HECW2: variants seen among roughly 807,000 people sequenced by gnomAD.
HECW2 encodes the protein E3 ubiquitin-protein ligase HECW2.
Under a neutral mutation model 175.2 loss-of-function variants are expected in HECW2, and 61 were observed. That is an observed-to-expected ratio of 0.35 (90% confidence interval 0.28 to 0.43). The LOEUF (loss-of-function observed/expected upper bound fraction) is 0.43, where lower values mean the gene tolerates loss of function less well. Ranked by LOEUF, HECW2 falls within the 20% of genes least tolerant of loss-of-function variation. The pLI, the probability that HECW2 is intolerant of heterozygous loss-of-function variation, is 1.00. For missense variants in HECW2, 1,524 were observed against 2,000.5 expected, an observed-to-expected ratio of 0.76 and a Z score of 4.54; for synonymous variants, 671 against 731.0, an observed-to-expected ratio of 0.92 and a Z score of 1.32.
At chr2:196,462,881 T>C (rs1696802149) in intron 1 of HECW2, among the ~76,000 whole-genome samples, 1 of 152,126 alleles carries the variant, frequency 6.6e-6, no homozygotes, top group Non-Finnish European at 1.5e-5. Flanking sequence ...AAATGCCTGA[T>C]GAAAGAAACA....
At chr2:196,586,209 A>G (rs560122910) in intron 1 of HECW2, among the ~76,000 whole-genome samples, 2 of 152,276 alleles carry the variant, frequency 1.3e-5, no homozygotes, top group East Asian at 1.9e-4. Context: ...CCAACTCCCT[A>G]ATAAAAAATT....
intron 21 of HECW2, chr2:196,239,983 G>C (rs1688389303): frequency 6.6e-6 from 1 of 152,290 alleles, no homozygotes; most frequent in Admixed American, 6.5e-5. Context: ...AGGCCCAAGA[G>C]TTACTTCTGT....
chr2:196,292,854 G>A, intron 13 of HECW2, 104 bp from the exon 14 acceptor site: 1 of 846,474 alleles, frequency 1.2e-6, no homozygotes, highest in South Asian at 1.8e-5. Context: ...GTAATGAAAT[G>A]CATATATAAG....
At chr2:196,334,193 T>C (rs776198516) in intron 4 of HECW2, among the ~76,000 whole-genome samples, 8 of 151,908 alleles carry the variant, frequency 5.3e-5, no homozygotes, top group Non-Finnish European at 1.2e-4. Flanking sequence ...CCCCGGAGAG[T>C]CGACTCTACA....
intron 2 of HECW2, among the ~76,000 whole-genome samples, chr2:196,411,918 G>C (rs1012082259): frequency 1.3e-5 from 2 of 152,210 alleles, no homozygotes; most frequent in African/African-American, 4.8e-5. Context: ...GCTGAAGCAG[G>C]AGAATCAGTT....
chr2:196,492,604 A>G (rs1483914832), intron 1 of HECW2, among the ~76,000 whole-genome samples: 2 of 152,226 alleles, frequency 1.3e-5, no homozygotes, highest in Non-Finnish European at 2.9e-5. Flanking sequence ...CGGGAGTGGA[A>G]TCCTTATGAA....
At chr2:196,536,684 A>C (rs1196707674) in intron 1 of HECW2, among the ~76,000 whole-genome samples, 1 of 152,240 alleles carries the variant, frequency 6.6e-6, no homozygotes, top group African/African-American at 2.4e-5. Context: ...TCACACAGCA[A>C]ATAATCTTCA....
Position 196,464,032 on chromosome 2 carries a change from C to CTT in HECW2, c.-35-30576_-35-30575dup, listed in dbSNP as rs566232395. 6.9e-5 allele frequency among the ~76,000 whole-genome samples: 10 copies of CTT among 144,296 alleles called. No individual in the cohort carries two copies. The South Asian group carries it at 8.9e-4, about 13-fold the overall frequency. 94.7% of individuals were successfully genotyped at this position (144,296 alleles called of 152,430 possible). ...CCATCTTTCCATCTTCCAGCTTTTC[C>CTT]TTTTTTTTTTTTTCTGGAAATGGTT... is the stretch of plus-strand genomic sequence containing the variant. On this transcript the variant is annotated intron_variant, in intron 1 of 28. Transcript: ENST00000644978.
intron 1 of HECW2, among the ~76,000 whole-genome samples, chr2:196,526,368 T>G (rs1162946221): frequency 7.6e-5 from 11 of 144,010 alleles, no homozygotes; most frequent in African/African-American, 2.9e-4. Flanking sequence ...TTATTCTAAT[T>G]ATACATTCTT....
At chr2:196,209,761 CTTTCTT>C (rs1413273928) in intron 28 of HECW2, among the ~76,000 whole-genome samples, 2 of 139,028 alleles carry the variant, frequency 1.4e-5, no homozygotes, top group Admixed American at 7.5e-5. Context: ...TTCTTTCTTT[CTTTCTT>C]TTTTTTTTTT....
At chr2:196,428,126 G>A (rs192895879) in intron 2 of HECW2, among the ~76,000 whole-genome samples, 1 of 152,250 alleles carries the variant, frequency 6.6e-6, no homozygotes, top group Admixed American at 6.5e-5. Flanking sequence ...AAAATGCAGA[G>A]TGTGCCAACA....
chr2:196,529,156 G>A (rs1241622897), intron 1 of HECW2, among the ~76,000 whole-genome samples: 2 of 152,184 alleles, frequency 1.3e-5, no homozygotes, highest in African/African-American at 4.8e-5. Flanking sequence ...GTATTCCAGA[G>A]CAAAACCATC....
intron 2 of HECW2, among the ~76,000 whole-genome samples, chr2:196,422,004 G>A (rs1695419704): frequency 6.6e-6 from 1 of 152,146 alleles, no homozygotes. Context: ...GATAGTCTGA[G>A]ATACCAAGGT....
rs1431009886 is a variant in HECW2 at position 196,498,016 on chromosome 2, T to A, written c.-35-64558A>T. Among the ~76,000 whole-genome samples, 5 of 152,230 alleles carry A rather than the reference T, an allele frequency of 3.3e-5. No individual in the cohort carries two copies. The East Asian group carries it at 9.6e-4, about 29-fold the overall frequency. On this transcript the variant is annotated intron_variant, in intron 1 of 28. Transcript: ENST00000644978. ...GATCTTCACTCTAAAGCCCCCTATG[T>A]ATACTCATTAAATAAATCCTTATGC...
chr2:196,534,527 G>A (rs1349164707), intron 1 of HECW2, among the ~76,000 whole-genome samples: 1 of 152,172 alleles, frequency 6.6e-6, no homozygotes, highest in East Asian at 1.9e-4. Flanking sequence ...ATGAGAACGG[G>A]GTTGAAATGA....
chr2:196,206,423 AT>A lies in HECW2; in HGVS notation c.4608-5036del, dbSNP rs574909419. On this transcript the variant is annotated intron_variant, in intron 28 of 28. Coordinates refer to ENST00000644978, the MANE Select transcript of HECW2 (RefSeq NM_001348768.2). ...GCTTACCCTCCCTTTTTCCCTACAG[AT>A]AGACAAGTCAATTAGATAAATCCAG... Among the ~76,000 whole-genome samples, 18 of 152,354 alleles carry A rather than the reference AT, an allele frequency of 1.2e-4. 1 individual carries two copies. In the South Asian group the frequency reaches 3.5e-3, roughly 30 times the overall value.
chr2:196,423,684 T>TTGTGTGTGAGTGTG (rs1553516065), intron 2 of HECW2, among the ~76,000 whole-genome samples: 1 of 139,946 alleles, frequency 7.1e-6, no homozygotes, highest in Non-Finnish European at 1.5e-5. Flanking sequence ...TAGTATTCCA[T>TTGTGTGTGAGTGTG]TGTGTGTGTG....
chr2:196,431,731 T>C (rs571517232), intron 2 of HECW2, among the ~76,000 whole-genome samples: 1 of 152,344 alleles, frequency 6.6e-6, no homozygotes, highest in East Asian at 1.9e-4. Flanking sequence ...TTTGATTATA[T>C]TTTAAAACAC....
intron 2 of HECW2, among the ~76,000 whole-genome samples, chr2:196,397,940 A>T (rs551411871): frequency 1.3e-5 from 2 of 152,338 alleles, no homozygotes; most frequent in Admixed American, 6.5e-5. Context: ...GCACTGAGCC[A>T]AAGTATTTCC....
Sources: allele counts gnomAD v4.1 joint callset (sites outside exome capture counted in the v4.1 genomes callset), GRCh38; gene constraint gnomAD v4.1.1; transcripts MANE v1.5; gene names NCBI Gene and HGNC (gene_info 2026-07-23, HGNC 2026-07-21).